The following TMEM164 variants were observed in gnomAD, a reference collection of about 807,000 sequenced individuals.
TMEM164 encodes RP13-360B22.2.
TMEM164 carries 4 observed loss-of-function variants against 18.8 expected under a neutral mutation model. That is an observed-to-expected ratio of 0.21 (90% confidence interval 0.10 to 0.49). The LOEUF (loss-of-function observed/expected upper bound fraction) is 0.49, where lower values mean the gene tolerates loss of function less well. TMEM164 is among the 20% of genes least tolerant of loss of function. TMEM164 has a pLI of 0.98. For synonymous variants in TMEM164, 86 were observed against 101.7 expected, an observed-to-expected ratio of 0.85 and a Z score of 0.93; for missense variants, 108 against 239.9, an observed-to-expected ratio of 0.45 and a Z score of 3.63.
At chrX:110,030,954 G>C (rs1215669977) in intron 2 of TMEM164, among the ~76,000 whole-genome samples, 2 of 111,124 alleles carry the variant, frequency 1.8e-5, no homozygotes, top group Admixed American at 1.9e-4. Context: ...TGTGCAGAAC[G>C]TGTAGGTTTG....
chrX:110,073,291 G>A (rs192373108), intron 3 of TMEM164, among the ~76,000 whole-genome samples: 9 of 111,600 alleles, frequency 8.1e-5, no homozygotes, highest in East Asian at 2.8e-4. Context: ...CCACTTCAGC[G>A]TCCCAAAGAG....
In TMEM164 at chrX:110,066,636, G is replaced by A. The variant is rs990395900; in HGVS notation, c.391-711G>A. ...GATGTTTGAGCACCACTGCATGGGG[G>A]AAGGTCAAACTGCCACAGCTGCAGG... is the stretch of plus-strand genomic sequence containing the variant. On this transcript the variant is annotated intron_variant, in intron 2 of 6. Transcript: ENST00000372068. Among the ~76,000 whole-genome samples the A allele has an allele frequency of 2.7e-5, 3 of 112,260 alleles. No homozygotes were observed. The South Asian group carries it at 1.1e-3, about 41-fold the overall frequency.
rs1446428702 is a variant in TMEM164, at chrX:110,105,685, C to CAG, written c.441-3394_441-3393insGA. On this transcript the variant is annotated intron_variant, in intron 3 of 6. Transcript: ENST00000372068. ...ATACACACATAGAAACACAGACACA[C>CAG]ACACACACACACACACACACACACA... is the stretch of plus-strand genomic sequence containing the variant. Among the ~76,000 whole-genome samples, 327 of 86,680 alleles carry CAG rather than the reference C, an allele frequency of 3.8e-3. 2 individuals carry two copies. Among genetic ancestry groups the CAG allele is most frequent in the African/African-American group, 0.013 (319 of 24,190 alleles). 75.3% of individuals were successfully genotyped at this position (86,680 alleles called of 115,157 possible).
At chrX:110,125,617 T>G (rs969167154) in intron 4 of TMEM164, among the ~76,000 whole-genome samples, 1 of 112,285 alleles carries the variant, frequency 8.9e-6, no homozygotes, top group East Asian at 2.8e-4. Flanking sequence ...CCTGGGCTCA[T>G]GGGCCTAAAG....
chrX:110,034,083 A>G (rs1934653056), intron 2 of TMEM164, among the ~76,000 whole-genome samples: 1 of 111,968 alleles, frequency 8.9e-6, no homozygotes. Flanking sequence ...GCCAGATCTT[A>G]GGCTAACCTT....
chrX:110,086,794 A>G (rs2065861355), intron 3 of TMEM164, among the ~76,000 whole-genome samples: 1 of 110,032 alleles, frequency 9.1e-6, no homozygotes, highest in Admixed American at 9.8e-5. Flanking sequence ...GAGAGAGAGG[A>G]AGAAATTACA....
intron 3 of TMEM164, among the ~76,000 whole-genome samples, chrX:110,079,745 G>A (rs929145249): frequency 3.7e-5 from 4 of 106,854 alleles, no homozygotes; most frequent in South Asian, 8.9e-4. Flanking sequence ...AACAAGATAC[G>A]AATTGATGTA....
chrX:110,079,487 G>A (rs750886969), intron 3 of TMEM164, among the ~76,000 whole-genome samples: 6 of 111,714 alleles, frequency 5.4e-5, no homozygotes, highest in Non-Finnish European at 1.1e-4. Flanking sequence ...TCAGGATCGT[G>A]TTCCATCTCC....
At chrX:110,061,735 A>G (rs968079351) in intron 2 of TMEM164, among the ~76,000 whole-genome samples, 1 of 111,821 alleles carries the variant, frequency 8.9e-6, no homozygotes, top group African/African-American at 3.3e-5. Flanking sequence ...CCTTAGACTG[A>G]CAAAAATAGT....
intron 2 of TMEM164, among the ~76,000 whole-genome samples, chrX:110,053,669 A>G (rs1935677627): frequency 9.0e-6 from 1 of 111,703 alleles, no homozygotes; most frequent in African/African-American, 3.3e-5. Flanking sequence ...ACTGGATACC[A>G]TCCATCCCTC....
intron 3 of TMEM164, among the ~76,000 whole-genome samples, chrX:110,084,379 T>TATATATATATA (rs1228632082): frequency 0.018 from 628 of 35,471 alleles, 65 homozygotes; most frequent in African/African-American, 0.068. Flanking sequence ...ATATATATAG[T>TATATATATATA]GTATATATAT....
intron 4 of TMEM164, among the ~76,000 whole-genome samples, chrX:110,129,139 G>A (rs989945986): frequency 5.4e-5 from 6 of 111,763 alleles, no homozygotes; most frequent in Non-Finnish European, 9.4e-5. Context: ...GATTACCCAA[G>A]TAGTATACAT....
Position 110,152,056 on chromosome X carries a change from C to CTT in TMEM164, c.586+7193_586+7194dup, listed in dbSNP as rs755801649. On this transcript the variant is annotated intron_variant, in intron 5 of 6. Transcript: ENST00000372068. ...TCTTCTTTTTTTTTTCTTTTCTTTT[C>CTT]TTTTTTTTTTTTTTGTCTGAGACGT... 5.3e-3 allele frequency among the ~76,000 whole-genome samples: 409 copies of CTT among 77,386 alleles called. 9 individuals are homozygous for CTT. Among genetic ancestry groups the CTT allele is most frequent in the African/African-American group, 0.02 (369 of 18,388 alleles). The allele number at this position is 77,386 out of a possible 115,157, so 67.2% of individuals were successfully genotyped here.
At chrX:110,020,796 A>G in intron 2 of TMEM164, 1 of 517,112 alleles carries the variant, frequency 1.9e-6, no homozygotes. Flanking sequence ...GTTGGTGGAT[A>G]CAGAACATTG....
At chrX:110,156,449 A>G (rs1048558187) in intron 5 of TMEM164, among the ~76,000 whole-genome samples, 6 of 111,202 alleles carry the variant, frequency 5.4e-5, no homozygotes, top group African/African-American at 2.0e-4. Flanking sequence ...AATTGTTGTA[A>G]TTGAGGTGCT....
chrX:110,123,502 T>C (rs1006703123), intron 4 of TMEM164, among the ~76,000 whole-genome samples: 2 of 112,271 alleles, frequency 1.8e-5, no homozygotes, highest in South Asian at 7.4e-4. Flanking sequence ...AGCCAGTGAT[T>C]GGCAGATCTT....
chrX:110,067,467 A>G, intron 3 of TMEM164, 71 bp downstream of exon 3: 1 of 1,019,372 alleles, frequency 9.8e-7, no homozygotes, highest in Non-Finnish European at 1.4e-6. Context: ...AAGACTGATA[A>G]CACATTGCTG....
At chrX:110,095,597 T>G (rs1029870644) in intron 3 of TMEM164, among the ~76,000 whole-genome samples, 8 of 111,886 alleles carry the variant, frequency 7.2e-5, no homozygotes, top group African/African-American at 2.6e-4. Context: ...TTTTTCAAGG[T>G]TTTTAGCTTC....
At chrX:110,155,763 T>C (rs914655580) in intron 5 of TMEM164, among the ~76,000 whole-genome samples, 1 of 111,850 alleles carries the variant, frequency 8.9e-6, no homozygotes, top group African/African-American at 3.3e-5. Context: ...TTTGCTCAGC[T>C]GCTTAAAAAT....
Sources: allele counts gnomAD v4.1 joint callset (sites outside exome capture counted in the v4.1 genomes callset), GRCh38; gene constraint gnomAD v4.1.1; transcripts MANE v1.5; gene names NCBI Gene and HGNC (gene_info 2026-07-23, HGNC 2026-07-21).